SYNPO2: variants seen among roughly 807,000 people sequenced by gnomAD.
The protein encoded by SYNPO2 is synaptopodin 2, also known as synaptopodin-2.
SYNPO2 carries 56 observed loss-of-function variants against 85.0 expected under a neutral mutation model. That is an observed-to-expected ratio of 0.66 (90% CI 0.53 to 0.82). The LOEUF (loss-of-function observed/expected upper bound fraction) is 0.82, where lower values mean the gene tolerates loss of function less well. Among genes scored for constraint, SYNPO2 ranks in the 40% least tolerant of loss-of-function variants. The probability of loss-of-function intolerance (pLI) is 0.00; values close to 1 mark genes in which losing one functional copy is unlikely to be tolerated. For missense variants in SYNPO2, 1,575 were observed against 1,534.2 expected (o/e 1.03, Z -0.44); for synonymous variants, 602 against 591.1 (o/e 1.02, Z -0.27).
intron 1 of SYNPO2, among the ~76,000 whole-genome samples, chr4:118,974,806 A>G (rs979740511): frequency 6.6e-6 from 1 of 152,118 alleles, no homozygotes; most frequent in Non-Finnish European, 1.5e-5. Context: ...AGTTTGCTTC[A>G]AATGTTGTCT....
At chr4:118,887,349 C>CA (rs1166525806), upstream of SYNPO2, among the ~76,000 whole-genome samples, 1 of 151,644 alleles carries the variant, frequency 6.6e-6, no homozygotes, top group African/African-American at 2.4e-5. Flanking sequence ...AAATTATTTT[C>CA]AAAAAAAATT....
Position 119,030,632 on chromosome 4 carries a change from T to G in SYNPO2, c.1857T>G (p.Pro619=). ...GTCCCATTGCTGACTTTCCTGCACC[T>G]CCACCTTACTCTGCAGTCACTCCTC... is the stretch of plus-strand genomic sequence containing the variant. ...MTSPIADFPA[P]PPYSAVTPPP... is the part of the protein sequence containing the mutation. The change falls in exon 4 of 5, where the codon CCT becomes CCG. Residue 619 remains proline, a synonymous_variant. Transcript: ENST00000307142. 6.2e-7 allele frequency: 1 copy of G among 1,614,078 alleles called. No individual in the cohort carries two copies.
At chr4:118,860,037 T>G (rs1025864848) in intron 1 of SYNPO2, among the ~76,000 whole-genome samples, 2 of 152,276 alleles carry the variant, frequency 1.3e-5, no homozygotes, top group Admixed American at 6.5e-5. Context: ...CCACCAACAG[T>G]GTACGAGGGT....
At position 118,890,697 on chromosome 4, in the gene SYNPO2, T is replaced by TTCTCTCTCTCTCTCTCTCTCTCTCTCTC. The variant is rs796242049; in HGVS notation, c.105+1566_105+1593dup. On this transcript the variant is annotated intron_variant, in intron 1 of 4. Coordinates refer to ENST00000307142, the MANE Select transcript of SYNPO2 (RefSeq NM_133477.3). ...CTCTCACCCTTCCTGTCTCATCGGT[T>TTCTCTCTCTCTCTCTCTCTCTCTCTCTC]TCTCTCTCTCTCTCTCTCTCTCTCT... Among the ~76,000 whole-genome samples the TTCTCTCTCTCTCTCTCTCTCTCTCTCTC allele has an allele frequency of 4.4e-3, 360 of 81,712 alleles. 31 individuals are homozygous for TTCTCTCTCTCTCTCTCTCTCTCTCTCTC. The highest frequency in any genetic ancestry group is 0.014 in the Middle Eastern group (2 of 148). The allele number at this position is 81,712 out of a possible 152,430, so 53.6% of individuals were successfully genotyped here.
At chr4:118,999,648 G>A (rs980197423) in intron 1 of SYNPO2, among the ~76,000 whole-genome samples, 4 of 152,124 alleles carry the variant, frequency 2.6e-5, no homozygotes, top group African/African-American at 9.7e-5. Flanking sequence ...TGCCAAGGCT[G>A]CAAAGTAATT....
chr4:119,028,208 G>A (rs1158642055), intron 3 of SYNPO2, among the ~76,000 whole-genome samples: 1 of 139,756 alleles, frequency 7.2e-6, no homozygotes, highest in African/African-American at 2.7e-5. Flanking sequence ...TTTATTTCAC[G>A]TTTATTTTTG....
At position 118,940,072 on chromosome 4, in the gene SYNPO2, G is replaced by A. The variant is rs1240190586; in HGVS notation, c.105+50931G>A. 2.0e-5 allele frequency among the ~76,000 whole-genome samples: 3 copies of A among 146,470 alleles called. No homozygotes were observed. The East Asian group carries it at 6.2e-4, about 30-fold the overall frequency. ...GCAATCTTGGCTCACTGCAACCTCC[G>A]CCTCCCGGGTTCAAGCGATTCTCCT... On this transcript the variant is annotated intron_variant, in intron 1 of 4. Transcript: ENST00000307142.
At chr4:118,905,134 G>T (rs1430593251) in intron 1 of SYNPO2, among the ~76,000 whole-genome samples, 3 of 152,056 alleles carry the variant, frequency 2.0e-5, no homozygotes, top group Non-Finnish European at 4.4e-5. Context: ...GGTTACTGTG[G>T]GTCCCTTCAG....
chr4:118,876,826 G>A (rs2110576410), intron 1 of SYNPO2, among the ~76,000 whole-genome samples: 2 of 144,276 alleles, frequency 1.4e-5, no homozygotes, highest in African/African-American at 5.2e-5. Flanking sequence ...ACAGGGTCTT[G>A]TTCTGTTGCA....
chr4:119,033,598 A>C, intron 4 of SYNPO2: 1 of 985,452 alleles, frequency 1.0e-6, no homozygotes, highest in Non-Finnish European at 1.2e-6. Flanking sequence ...ACCTCTCAGA[A>C]AAACTTGCCT....
chr4:118,950,303 C>T (rs913429498), intron 1 of SYNPO2, among the ~76,000 whole-genome samples: 1 of 152,002 alleles, frequency 6.6e-6, no homozygotes, highest in African/African-American at 2.4e-5. Context: ...ATAGCGAGGC[C>T]AACAGATCAG....
At chr4:119,046,001 A>G (rs958814009) in intron 4 of SYNPO2, among the ~76,000 whole-genome samples, 5 of 152,270 alleles carry the variant, frequency 3.3e-5, no homozygotes, top group Admixed American at 1.3e-4. Flanking sequence ...CAACTTCCCT[A>G]TACAAGCCAG....
At chr4:118,862,522 G>A (rs1487609754) in intron 1 of SYNPO2, among the ~76,000 whole-genome samples, 1 of 152,098 alleles carries the variant, frequency 6.6e-6, no homozygotes, top group East Asian at 1.9e-4. Context: ...TTTTTTGAGA[G>A]TTTTTATCAT....
intron 4 of SYNPO2, chr4:119,037,379 A>C: frequency 8.2e-7 from 1 of 1,222,780 alleles, no homozygotes; most frequent in Non-Finnish European, 1.0e-6. Flanking sequence ...CTTGGCCCTG[A>C]GTTGAAAAAA....
chr4:118,890,733 C>CTCTCTCTCTCTGTGTGTG (rs749295331), intron 1 of SYNPO2, among the ~76,000 whole-genome samples: 33 of 126,142 alleles, frequency 2.6e-4, no homozygotes, highest in African/African-American at 8.7e-4. Context: ...CTCTCTCTCT[C>CTCTCTCTCTCTGTGTGTG]TGTGTGTGTG....
At chr4:118,868,730 T>C (rs1731746200) in intron 1 of SYNPO2, among the ~76,000 whole-genome samples, 1 of 152,226 alleles carries the variant, frequency 6.6e-6, no homozygotes, top group Non-Finnish European at 1.5e-5. Flanking sequence ...TTTTAGATGC[T>C]GGCGTAATTA....
In SYNPO2 at chr4:119,030,607, G is replaced by A. The variant is rs760441872; in HGVS notation, c.1832G>A (p.Ser611Asn). 3 of 1,613,944 alleles carry A rather than the reference G, an allele frequency of 1.9e-6. No homozygotes were observed. Residue 611 changes from serine to asparagine, a missense_variant, in exon 4 of 5, where the codon AGT becomes AAT. By Grantham distance (46) the Ser-to-Asn change is conservative (BLOSUM62 1). Coordinates refer to ENST00000307142, the MANE Select transcript of SYNPO2 (RefSeq NM_133477.3). ...TPFSPTRNMT[S>N]PIADFPAPPP... ...TTCTCGCCAACCCGAAACATGACGA[G>A]TCCCATTGCTGACTTTCCTGCACCT...
chr4:119,013,471 A>T (rs1418569386), intron 1 of SYNPO2, among the ~76,000 whole-genome samples: 2 of 152,236 alleles, frequency 1.3e-5, no homozygotes, highest in Non-Finnish European at 2.9e-5. Context: ...AATTTATGGG[A>T]CATCATTTTT....
At position 119,038,152 on chromosome 4, in the gene SYNPO2, A is replaced by C. The variant is rs150327600; in HGVS notation, c.3252+6125A>C. Reference sequence around the variant, plus strand: ...AGTACCACATGGTTTCCACAGTCTCATCAGACCCCGGAATTTCACTCCCTG... The same window carrying C: ...AGTACCACATGGTTTCCACAGTCTCCTCAGACCCCGGAATTTCACTCCCTG... On this transcript the variant is annotated intron_variant, in intron 4 of 4. Transcript: ENST00000307142. The C allele has an allele frequency of 1.8e-5, 18 of 985,358 alleles. No homozygotes were observed. In the African/African-American group the frequency reaches 3.0e-4, roughly 16 times the overall value. The allele number at this position is 985,358 out of a possible 1,614,324, so 61.0% of individuals were successfully genotyped here. A position where few individuals can be genotyped will look rare whatever the true frequency, so the allele number is the denominator to read the frequency against.
Sources: allele counts gnomAD v4.1 joint callset (sites outside exome capture counted in the v4.1 genomes callset), GRCh38; gene constraint gnomAD v4.1.1; transcripts MANE v1.5; gene names NCBI Gene and HGNC (gene_info 2026-07-23, HGNC 2026-07-21).